The following UGT1A9 variants were observed in gnomAD, a reference collection of about 807,000 sequenced individuals.
UGT1A9 encodes UDP glucuronosyltransferase family 1 member A9, also known as UDP-glucuronosyltransferase 1A9.
In UGT1A9, 35 loss-of-function variants were observed where a neutral mutation model predicts 45.0. The ratio of observed to expected loss-of-function variants is 0.78; its 90% confidence interval spans 0.59 to 1.03. The LOEUF (loss-of-function observed/expected upper bound fraction) is 1.03. Ranked by LOEUF, UGT1A9 falls within the 50% of genes least tolerant of loss-of-function variation. The pLI is 0.00. For missense variants in UGT1A9, 687 were observed against 666.6 expected (o/e 1.03, Z -0.34); for synonymous variants, 278 against 250.6 (o/e 1.11, Z -1.03).
chr2:233,687,787 T>A (rs931805606), intron 1 of UGT1A9, among the ~76,000 whole-genome samples: 6 of 151,992 alleles, frequency 3.9e-5, no homozygotes, highest in Non-Finnish European at 8.8e-5. Context: ...ATGCCTGTGG[T>A]CCCAGCTACT....
chr2:233,744,959 A>G (rs1028128963), intron 1 of UGT1A9, among the ~76,000 whole-genome samples: 2 of 151,812 alleles, frequency 1.3e-5, no homozygotes, highest in African/African-American at 4.9e-5. Context: ...TAACCTACCA[A>G]TATCCTTCTT....
At chr2:233,753,038 T>C (rs1254734461) in intron 1 of UGT1A9, among the ~76,000 whole-genome samples, 1 of 152,162 alleles carries the variant, frequency 6.6e-6, no homozygotes, top group Non-Finnish European at 1.5e-5. Flanking sequence ...AAAACTACCA[T>C]GAAACTGTTC....
At chr2:233,750,125 A>G (rs1331571759) in intron 1 of UGT1A9, among the ~76,000 whole-genome samples, 47 of 151,914 alleles carry the variant, frequency 3.1e-4, no homozygotes, top group Admixed American at 3.1e-3. Flanking sequence ...AAGATGTGGG[A>G]AAGTTTGGAA....
At chr2:233,712,083 G>A (rs1229537579) in intron 1 of UGT1A9, among the ~76,000 whole-genome samples, 1 of 152,192 alleles carries the variant, frequency 6.6e-6, no homozygotes, top group African/African-American at 2.4e-5. Flanking sequence ...ATAAAGGCCT[G>A]GATGAATGGA....
In UGT1A9 at chr2:233,768,328, T is replaced by C. The variant is rs755527328; in HGVS notation, c.1184T>C (p.Met395Thr). The C allele has an allele frequency of 1.9e-6, 3 of 1,614,176 alleles. No homozygotes were observed. The highest frequency in any genetic ancestry group is 2.5e-6 in the Non-Finnish European group (3 of 1,180,040). ...ATGATGCCCTTGTTTGGTGATCAGATGGACAATGCAAAGCGCATGGAGACT... is the reference window on the plus strand; with the variant it reads ...ATGATGCCCTTGTTTGGTGATCAGACGGACAATGCAAAGCGCATGGAGACT... ...MVMMPLFGDQMDNAKRMETKG... is the reference protein window; with the variant it reads ...MVMMPLFGDQTDNAKRMETKG... The change falls in exon 4 of 5, where the codon ATG becomes ACG. Residue 395 changes from methionine (M) to threonine (T), a missense_variant. By Grantham distance (81) the Met-to-Thr change is moderately conservative. Transcript: ENST00000354728.
At chr2:233,756,656 A>G (rs934932092) in intron 1 of UGT1A9, among the ~76,000 whole-genome samples, 3 of 152,202 alleles carry the variant, frequency 2.0e-5, no homozygotes, top group Non-Finnish European at 4.4e-5. Flanking sequence ...CATGGGATGC[A>G]GTGATTATTT....
chr2:233,760,446 G>A lies in UGT1A9; in HGVS notation c.856-6588G>A, dbSNP rs149071335. 6.1e-5 allele frequency: 98 copies of A among 1,614,210 alleles called. No homozygotes were observed. The African/African-American group carries it at 1.2e-3, about 20-fold the overall frequency. On this transcript the variant is annotated intron_variant, in intron 1 of 4. Coordinates refer to ENST00000354728, the MANE Select transcript of UGT1A9 (RefSeq NM_021027.3). ...GGGCCATCCAGCAGCTGCAGCAGAGGGGACATGAAATAGTTGTCCTAGCAC... is the reference window on the plus strand; with the variant it reads ...GGGCCATCCAGCAGCTGCAGCAGAGAGGACATGAAATAGTTGTCCTAGCAC...
chr2:233,695,370 C>G (rs1420827088), intron 1 of UGT1A9, among the ~76,000 whole-genome samples: 2 of 151,814 alleles, frequency 1.3e-5, no homozygotes, highest in African/African-American at 4.8e-5. Flanking sequence ...GTGGTCCGCC[C>G]ACCCCAGCCT....
rs267599271 is a variant in UGT1A9, at chr2:233,713,125, G to A, written c.855+40336G>A. On this transcript the variant is annotated intron_variant, in intron 1 of 4. Transcript: ENST00000354728. ...GATGGCAGCCACTGGCTCAGCATGC[G>A]GGAGGCCTTGCGGGACCTCCATGCG... 5.5e-5 allele frequency: 89 copies of A among 1,614,190 alleles called. No homozygotes were observed. Among genetic ancestry groups the A allele is most frequent in the Admixed American group, 3.2e-4 (19 of 60,030 alleles).
chr2:233,726,131 A>C (rs190150615), intron 1 of UGT1A9, among the ~76,000 whole-genome samples: 156 of 152,186 alleles, frequency 1.0e-3, no homozygotes, highest in African/African-American at 3.6e-3. Flanking sequence ...ACACCACCTC[A>C]CTCCAGCCCG....
chr2:233,677,477 A>G (rs1284414963), intron 1 of UGT1A9, among the ~76,000 whole-genome samples: 1 of 152,206 alleles, frequency 6.6e-6, no homozygotes, highest in Non-Finnish European at 1.5e-5. Flanking sequence ...CAGTCAATTA[A>G]CACATAGTTT....
chr2:233,703,303 AT>A (rs1225306249), intron 1 of UGT1A9, among the ~76,000 whole-genome samples: 1 of 148,452 alleles, frequency 6.7e-6, no homozygotes, highest in Non-Finnish European at 1.5e-5. Context: ...TCCCTCTTTC[AT>A]TTCATATTTT....
At chr2:233,744,133 C>T in intron 1 of UGT1A9, 1 of 354,200 alleles carries the variant, frequency 2.8e-6, no homozygotes, top group Non-Finnish European at 5.4e-6. Context: ...TCTGTGAGGC[C>T]CTGTGATGCT....
At chr2:233,677,473 A>G (rs1221451361) in intron 1 of UGT1A9, among the ~76,000 whole-genome samples, 8 of 152,202 alleles carry the variant, frequency 5.3e-5, no homozygotes, top group Non-Finnish European at 1.5e-5. Flanking sequence ...TAAACAGTCA[A>G]TTAACACATA....
intron 1 of UGT1A9, among the ~76,000 whole-genome samples, chr2:233,735,497 T>A (rs1029127614): frequency 3.9e-5 from 6 of 152,204 alleles, no homozygotes; most frequent in African/African-American, 1.4e-4. Flanking sequence ...ATTGCAGCAT[T>A]TAGCCCATTT....
At chr2:233,690,658 C>A in intron 1 of UGT1A9, 1 of 1,280,632 alleles carries the variant, frequency 7.8e-7, no homozygotes, top group Admixed American at 2.4e-5. Context: ...CCTACAGCAC[C>A]AACCAGGGCA....
chr2:233,682,422 C>A lies in UGT1A9; in HGVS notation c.855+9633C>A, dbSNP rs778628587. On this transcript the variant is annotated intron_variant, in intron 1 of 4. Transcript: ENST00000354728. ...GGCTTAATTGTTGCCAAATATTTCT[C>A]CCTCCCCTCTGTGGTCTTCGCCAGG... is the stretch of plus-strand genomic sequence containing the variant. 1.9e-6 allele frequency: 3 copies of A among 1,613,840 alleles called. No individual in the cohort carries two copies. In the Admixed American group the frequency reaches 5.0e-5, roughly 27 times the overall value.
At chr2:233,674,850 A>G (rs1392217876) in intron 1 of UGT1A9, among the ~76,000 whole-genome samples, 1 of 152,154 alleles carries the variant, frequency 6.6e-6, no homozygotes, top group Non-Finnish European at 1.5e-5. Context: ...CCAACCACAG[A>G]AGTAAATTGT....
intron 1 of UGT1A9, among the ~76,000 whole-genome samples, chr2:233,736,036 C>T (rs2078722234): frequency 6.6e-6 from 1 of 152,082 alleles, no homozygotes; most frequent in Non-Finnish European, 1.5e-5. Context: ...CTCTGTATTT[C>T]CTGAATTTGA....
Sources: allele counts gnomAD v4.1 joint callset (sites outside exome capture counted in the v4.1 genomes callset), GRCh38; gene constraint gnomAD v4.1.1; transcripts MANE v1.5; gene names NCBI Gene and HGNC (gene_info 2026-07-23, HGNC 2026-07-21).